Variants in C1orf198 observed in about 807,000 individuals in gnomAD.
The protein encoded by C1orf198 is chromosome 1 open reading frame 198.
In C1orf198, 17 loss-of-function variants were observed where a neutral mutation model predicts 31.4. The observed-to-expected ratio is 0.54, with a 90% CI of 0.37 to 0.81. The LOEUF (loss-of-function observed/expected upper bound fraction) is 0.81, where lower values mean the gene tolerates loss of function less well. Ranked by LOEUF, C1orf198 falls within the 40% of genes least tolerant of loss-of-function variation. C1orf198 has a pLI of 0.00. For synonymous variants in C1orf198, 175 were observed against 193.8 expected (o/e 0.90, Z 0.81); for missense variants, 401 against 450.3 (o/e 0.89, Z 0.99).
At chr1:230,842,572 G>GGAC in intron 3 of C1orf198, among the ~76,000 whole-genome samples, 1 of 152,044 alleles carries the variant, frequency 6.6e-6, no homozygotes, top group East Asian at 1.9e-4. Flanking sequence ...ATGACACAAT[G>GGAC]GACTTTGGGG....
At chr1:230,844,670 G>A (rs1175224393) in intron 2 of C1orf198, among the ~76,000 whole-genome samples, 1 of 152,162 alleles carries the variant, frequency 6.6e-6, no homozygotes, top group Non-Finnish European at 1.5e-5. Context: ...TTCCTGGCAG[G>A]TGACGACCCT....
At chr1:230,855,874 T>G in intron 1 of C1orf198, 156 bp from the exon 2 acceptor site, 35 of 1,428,760 alleles carry the variant, frequency 2.4e-5, no homozygotes, top group East Asian at 5.0e-5. Context: ...TATAATGCGC[T>G]GACCGTCTTG....
chr1:230,845,391 T>C (rs1057124637), intron 2 of C1orf198, among the ~76,000 whole-genome samples: 1 of 146,610 alleles, frequency 6.8e-6, no homozygotes, highest in Non-Finnish European at 1.5e-5. Flanking sequence ...TCAAAAAATA[T>C]ACTAAAAATA....
chr1:230,863,610 C>A (rs1000237614), intron 1 of C1orf198, among the ~76,000 whole-genome samples: 2 of 152,242 alleles, frequency 1.3e-5, no homozygotes, highest in African/African-American at 2.4e-5. Flanking sequence ...CCCACAGGAG[C>A]CAGCAGGCAG....
chr1:230,868,724 C>G (rs931129115), upstream of C1orf198: 17 of 199,496 alleles, frequency 8.5e-5, no homozygotes, highest in African/African-American at 3.3e-4. Context: ...GGGCCCCCCC[C>G]CGCCACCCCC....
chr1:230,842,650 C>T (rs942491246), intron 3 of C1orf198, among the ~76,000 whole-genome samples: 14 of 151,754 alleles, frequency 9.2e-5, no homozygotes, highest in African/African-American at 3.4e-4. Flanking sequence ...GTCCACTGCT[C>T]GGGTGATGGG....
intron 1 of C1orf198, among the ~76,000 whole-genome samples, chr1:230,861,916 G>C (rs1670012635): frequency 6.6e-6 from 1 of 152,202 alleles, no homozygotes; most frequent in African/African-American, 2.4e-5. Flanking sequence ...CCATAAATAA[G>C]GAGAGTTTCT....
At chr1:230,854,104 T>C (rs1669807620) in intron 2 of C1orf198, among the ~76,000 whole-genome samples, 1 of 152,242 alleles carries the variant, frequency 6.6e-6, no homozygotes, top group Non-Finnish European at 1.5e-5. Flanking sequence ...GGGAACATGA[T>C]GAGCTTAGGT....
At chr1:230,861,253 ATGT>A (rs1669997422) in intron 1 of C1orf198, among the ~76,000 whole-genome samples, 1 of 152,136 alleles carries the variant, frequency 6.6e-6, no homozygotes, top group Non-Finnish European at 1.5e-5. Context: ...CTGGTTTAGG[ATGT>A]TGGTGGTGGG....
At chr1:230,863,087 T>G (rs1670035160) in intron 1 of C1orf198, among the ~76,000 whole-genome samples, 1 of 152,244 alleles carries the variant, frequency 6.6e-6, no homozygotes, top group Non-Finnish European at 1.5e-5. Flanking sequence ...TGTTTACATA[T>G]TTATGGAATC....
chr1:230,852,538 C>T (rs1225433413), intron 2 of C1orf198, among the ~76,000 whole-genome samples: 1 of 152,064 alleles, frequency 6.6e-6, no homozygotes, highest in African/African-American at 2.4e-5. Context: ...CATAAATATA[C>T]ACAATTTTTC....
At chr1:230,845,719 T>C (rs1669571816) in intron 2 of C1orf198, among the ~76,000 whole-genome samples, 1 of 151,928 alleles carries the variant, frequency 6.6e-6, no homozygotes, top group South Asian at 2.1e-4. Context: ...AAAGAAAATA[T>C]ACATTAAAAA....
chr1:230,853,295 G>A (rs934220878), intron 2 of C1orf198, among the ~76,000 whole-genome samples: 1 of 152,070 alleles, frequency 6.6e-6, no homozygotes, highest in Non-Finnish European at 1.5e-5. Flanking sequence ...CAAGAAATGG[G>A]GTCCAAGTCT....
Position 230,843,368 on chromosome 1 carries a change from G to C in C1orf198, c.913C>G (p.Pro305Ala). The C allele has an allele frequency of 6.4e-7, 1 of 1,555,072 alleles. No homozygotes were observed. Among genetic ancestry groups the C allele is most frequent in the Non-Finnish European group, 8.7e-7 (1 of 1,148,772 alleles). The change falls in exon 3 of 4, where the codon CCC becomes GCC. Residue 305 changes from proline to alanine, a missense_variant. Pro to Ala is a conservative substitution (Grantham distance 27). Coordinates refer to ENST00000366663, the MANE Select transcript of C1orf198 (RefSeq NM_032800.3). This position sits in a 1 kb window ranked among gnomAD's most constrained non-coding sequence, Gnocchi z 4.9. ...DDGEDTLFSE[P>A]KFAQVSSSNV... ...AGGCCACTCACCTGTGCAAACTTGG[G>C]TTCCGAGAACAGGGTGTCTTCCCCA... is the stretch of plus-strand genomic sequence containing the variant.
intron 2 of C1orf198, among the ~76,000 whole-genome samples, chr1:230,855,288 C>T (rs2102986386): frequency 6.6e-6 from 1 of 152,304 alleles, no homozygotes; most frequent in South Asian, 2.1e-4. Flanking sequence ...TTGCTCAAAG[C>T]TTTGTCTTAT....
At position 230,843,486 on chromosome 1, in the gene C1orf198, G is replaced by C. The variant is rs138693194; in HGVS notation, c.795C>G (p.Pro265=). ...LPNVSTERER[P]QPVQAFSSAL... Reference sequence around the variant, plus strand: ...CACTGCTGAAGGCCTGGACAGGCTGGGGTCTCTCACGTTCGGTGCTCACGT... The same window carrying C: ...CACTGCTGAAGGCCTGGACAGGCTGCGGTCTCTCACGTTCGGTGCTCACGT... Residue 265 remains proline, a synonymous_variant, in exon 3 of 4, where the codon CCC becomes CCG. Transcript: ENST00000366663. The surrounding 1 kb of genome is among the most constrained non-coding windows in gnomAD (Gnocchi z 4.9). 1.9e-4 allele frequency: 313 copies of C among 1,612,328 alleles called. No homozygotes were observed. In the African/African-American group the frequency reaches 3.9e-3, roughly 20 times the overall value.
rs562911067 is a variant in C1orf198, at chr1:230,840,550, C to A, written c.928-642G>T. ...TCTTCTTTCAGGGGAAAGGGCTTAA[C>A]TGACAGGTCCCCTCTTGTGAGCATG... On this transcript the variant is annotated intron_variant, in intron 3 of 3. Coordinates refer to ENST00000366663, the MANE Select transcript of C1orf198 (RefSeq NM_032800.3). The surrounding 1 kb of genome is among the most constrained non-coding windows in gnomAD (Gnocchi z 4.0). 6.6e-6 allele frequency among the ~76,000 whole-genome samples: 1 copy of A among 152,334 alleles called. No homozygotes were observed. The highest frequency in any genetic ancestry group is 1.9e-4 in the East Asian group (1 of 5,178).
Position 230,843,485 on chromosome 1 carries a change from G to A in C1orf198, c.796C>T (p.Gln266Ter), listed in dbSNP as rs1261242298. Reference protein sequence around the residue: ...PNVSTERERPQPVQAFSSALH... With the variant: ...PNVSTERERP The stretch of plus-strand genomic sequence containing the variant: ...GCACTGCTGAAGGCCTGGACAGGCT[G>A]GGGTCTCTCACGTTCGGTGCTCACG... The change falls in exon 3 of 4, where the codon CAG becomes TAG. Residue 266 changes from glutamine (Q) to a stop codon, truncating the protein, a stop_gained. Coordinates refer to ENST00000366663, the MANE Select transcript of C1orf198 (RefSeq NM_032800.3). LOFTEE classifies it high-confidence loss of function. The surrounding 1 kb of genome is among the most constrained non-coding windows in gnomAD (Gnocchi z 4.9). 6.2e-7 allele frequency: 1 copy of A among 1,612,180 alleles called. No individual in the cohort carries two copies. Among genetic ancestry groups the A allele is most frequent in the Non-Finnish European group, 8.5e-7 (1 of 1,179,206 alleles).
chr1:230,855,320 C>T (rs1044131108), intron 2 of C1orf198, among the ~76,000 whole-genome samples: 1 of 152,214 alleles, frequency 6.6e-6, no homozygotes, highest in African/African-American at 2.4e-5. Flanking sequence ...CATCAAGGTG[C>T]TAAGTGCTGG....
Sources: allele counts gnomAD v4.1 joint callset (sites outside exome capture counted in the v4.1 genomes callset), GRCh38; gene constraint gnomAD v4.1.1; non-coding constraint Gnocchi (gnomAD v3.1); transcripts MANE v1.5; gene names NCBI Gene and HGNC (gene_info 2026-07-23, HGNC 2026-07-21).